Variants in GRID1 observed in about 807,000 individuals in gnomAD.
GRID1 encodes glutamate ionotropic receptor delta type subunit 1, also known as glutamate receptor ionotropic, delta-1.
In GRID1, 28 loss-of-function variants were observed where a neutral mutation model predicts 98.0. The observed-to-expected ratio is 0.29, with a 90% confidence interval of 0.21 to 0.39. The LOEUF (loss-of-function observed/expected upper bound fraction) is 0.39, where lower values mean the gene tolerates loss of function less well. Among genes scored for constraint, GRID1 ranks in the 10% least tolerant of loss-of-function variants. GRID1 has a pLI of 1.00. For missense variants in GRID1, 1,111 were observed against 1,340.5 expected, an observed-to-expected ratio of 0.83 and a Z score of 2.67; for synonymous variants, 553 against 538.5, an observed-to-expected ratio of 1.03 and a Z score of -0.37.
At chr10:85,658,368 C>T (rs1171888070) in intron 12 of GRID1, among the ~76,000 whole-genome samples, 1 of 152,174 alleles carries the variant, frequency 6.6e-6, no homozygotes, top group Non-Finnish European at 1.5e-5. Context: ...TTCATTGAAC[C>T]CTGGCAATAG....
intron 3 of GRID1, among the ~76,000 whole-genome samples, chr10:86,144,866 C>T (rs902008695): frequency 6.6e-6 from 1 of 152,182 alleles, no homozygotes; most frequent in African/African-American, 2.4e-5. Flanking sequence ...CCTGGACTGG[C>T]GGAGGCCTTT....
chr10:85,667,762 G>A (rs183696932), intron 12 of GRID1, among the ~76,000 whole-genome samples: 13 of 152,342 alleles, frequency 8.5e-5, no homozygotes, highest in Non-Finnish European at 1.2e-4. Context: ...GTGAGTGAAT[G>A]AGTGGATGAG....
intron 12 of GRID1, among the ~76,000 whole-genome samples, chr10:85,707,498 C>G (rs551414169): frequency 6.6e-6 from 1 of 152,272 alleles, no homozygotes; most frequent in South Asian, 2.1e-4. Context: ...AATAGGAACA[C>G]TTTTACACTG....
At chr10:86,228,785 G>A (rs1846400403) in intron 2 of GRID1, among the ~76,000 whole-genome samples, 1 of 152,072 alleles carries the variant, frequency 6.6e-6, no homozygotes, top group Non-Finnish European at 1.5e-5. Flanking sequence ...TGGATGTGTG[G>A]GTTCCCTCCT....
In GRID1 at chr10:85,878,555, C is replaced by T. The variant is rs1214795038; in HGVS notation, c.781-9375G>A. Among the ~76,000 whole-genome samples the T allele has an allele frequency of 1.4e-4, 21 of 152,176 alleles. No individual in the cohort carries two copies. The East Asian group carries it at 3.9e-3, about 28-fold the overall frequency. ...AGTGAAGGAGAAATAAAATACTTTA[C>T]AGACAAGCAAATGCTGAGAGATTTT... On this transcript the variant is annotated intron_variant, in intron 5 of 15. Coordinates refer to ENST00000327946, the MANE Select transcript of GRID1 (RefSeq NM_017551.3).
intron 12 of GRID1, among the ~76,000 whole-genome samples, chr10:85,664,147 GA>G (rs1235440050): frequency 6.6e-6 from 1 of 152,204 alleles, no homozygotes; most frequent in Non-Finnish European, 1.5e-5. Flanking sequence ...CTGGGAGTCA[GA>G]GGATCATAAC....
At chr10:86,091,812 T>C (rs1414444513) in intron 4 of GRID1, among the ~76,000 whole-genome samples, 1 of 152,138 alleles carries the variant, frequency 6.6e-6, no homozygotes, top group African/African-American at 2.4e-5. Context: ...ATCACAGGAC[T>C]CTGTGCAGAC....
At chr10:85,761,844 C>A in intron 8 of GRID1, among the ~76,000 whole-genome samples, 1 of 152,066 alleles carries the variant, frequency 6.6e-6, no homozygotes, top group East Asian at 1.9e-4. Flanking sequence ...CTTTCAAAGT[C>A]TCATTTGGCG....
At chr10:85,821,768 G>A (rs186357845) in intron 8 of GRID1, among the ~76,000 whole-genome samples, 60 of 152,056 alleles carry the variant, frequency 3.9e-4, no homozygotes, top group African/African-American at 1.3e-3. Flanking sequence ...GAGGCATCAC[G>A]CTACCTGACT....
At chr10:86,034,192 G>A (rs1160144852) in intron 4 of GRID1, among the ~76,000 whole-genome samples, 1 of 152,174 alleles carries the variant, frequency 6.6e-6, no homozygotes, top group Non-Finnish European at 1.5e-5. Flanking sequence ...ATGTCCTTGT[G>A]AGTTGCCCAG....
chr10:85,881,350 A>T (rs1194988431), intron 5 of GRID1, among the ~76,000 whole-genome samples: 2 of 152,240 alleles, frequency 1.3e-5, no homozygotes, highest in African/African-American at 4.8e-5. Flanking sequence ...AGCCAGAGGC[A>T]TCACACTACC....
intron 4 of GRID1, among the ~76,000 whole-genome samples, chr10:85,963,531 A>C (rs1842298190): frequency 6.6e-6 from 1 of 151,894 alleles, no homozygotes; most frequent in African/African-American, 2.4e-5. Context: ...AAAAACTCTA[A>C]CCTCCTGACA....
chr10:86,267,157 T>C (rs1230561424), intron 2 of GRID1, among the ~76,000 whole-genome samples: 1 of 152,214 alleles, frequency 6.6e-6, no homozygotes, highest in Non-Finnish European at 1.5e-5. Context: ...TTCCAACTGT[T>C]ACCTCATGAA....
intron 2 of GRID1, among the ~76,000 whole-genome samples, chr10:86,302,698 T>C (rs116867571): frequency 0.01 from 1,544 of 152,292 alleles, 32 homozygotes; most frequent in South Asian, 0.036. Flanking sequence ...AGGAAGCAAT[T>C]GGCTAGATTC....
chr10:85,961,770 C>A (rs1842270638), intron 4 of GRID1, among the ~76,000 whole-genome samples: 1 of 151,684 alleles, frequency 6.6e-6, no homozygotes, highest in Non-Finnish European at 1.5e-5. Context: ...CCTCTCTTCC[C>A]TTCTTCCTTC....
chr10:86,289,853 G>A (rs538173716), intron 2 of GRID1, among the ~76,000 whole-genome samples: 7 of 152,176 alleles, frequency 4.6e-5, no homozygotes, highest in Non-Finnish European at 8.8e-5. Context: ...TTTCCAAACA[G>A]GGACTCTTAC....
intron 12 of GRID1, among the ~76,000 whole-genome samples, chr10:85,660,717 G>A (rs1257377719): frequency 6.6e-6 from 1 of 152,118 alleles, no homozygotes; most frequent in East Asian, 1.9e-4. Context: ...GTGCAGTTCA[G>A]ATGCTATCAC....
At chr10:86,163,068 G>A (rs1447584495) in intron 3 of GRID1, among the ~76,000 whole-genome samples, 2 of 152,188 alleles carry the variant, frequency 1.3e-5, no homozygotes, top group Non-Finnish European at 2.9e-5. Flanking sequence ...AAAACTGAGG[G>A]CCAGGATGCT....
chr10:85,842,935 A>C (rs1294108759), intron 8 of GRID1, among the ~76,000 whole-genome samples: 3 of 151,958 alleles, frequency 2.0e-5, no homozygotes, highest in African/African-American at 4.8e-5. Context: ...ATAGTACAAC[A>C]GCGAAAAAAC....
Sources: allele counts gnomAD v4.1 joint callset (sites outside exome capture counted in the v4.1 genomes callset), GRCh38; gene constraint gnomAD v4.1.1; transcripts MANE v1.5; gene names NCBI Gene and HGNC (gene_info 2026-07-23, HGNC 2026-07-21).